Variants in TRMT9B observed in about 807,000 individuals in gnomAD.
TRMT9B encodes the protein tRNA methyltransferase 9B (putative).
In TRMT9B, 16 loss-of-function variants were observed where a neutral mutation model predicts 11.5. The observed-to-expected ratio is 1.39, with a 90% CI of 0.94 to 2.11. The LOEUF is 2.11. Among genes scored for constraint, TRMT9B ranks in the 30% most tolerant of loss-of-function variants. The pLI, the probability that TRMT9B is intolerant of heterozygous loss-of-function variation, is 0.00. For synonymous variants in TRMT9B, 274 were observed against 192.4 expected (o/e 1.42, Z -3.51); for missense variants, 941 against 553.8 (o/e 1.70, Z -7.02).
chr8:12,999,307 A>G (rs1452441198), intron 2 of TRMT9B, among the ~76,000 whole-genome samples: 1 of 147,978 alleles, frequency 6.8e-6, no homozygotes, highest in African/African-American at 2.6e-5. Context: ...TCAAAAAAAA[A>G]AAAAAAAAGA....
chr8:13,005,091 A>T (rs1451555074), intron 2 of TRMT9B, among the ~76,000 whole-genome samples: 1 of 152,002 alleles, frequency 6.6e-6, no homozygotes, highest in East Asian at 1.9e-4. Context: ...ATCTCAAAAA[A>T]AAAAAAAAAG....
At chr8:12,968,691 G>C (rs1035892316) in intron 1 of TRMT9B, among the ~76,000 whole-genome samples, 1 of 152,222 alleles carries the variant, frequency 6.6e-6, no homozygotes, top group East Asian at 1.9e-4. Context: ...GCAGCTGGCA[G>C]TCCAGAAGGC....
chr8:12,978,177 G>A (rs1228153670), intron 1 of TRMT9B, among the ~76,000 whole-genome samples: 2 of 152,156 alleles, frequency 1.3e-5, no homozygotes, highest in Non-Finnish European at 2.9e-5. Context: ...AGCAAATAAT[G>A]TGCATAACTC....
rs11204001 is a variant in TRMT9B at position 12,981,608 on chromosome 8, T to G, written c.-199-9226T>G. On this transcript the variant is annotated intron_variant, in intron 1 of 4. Coordinates refer to ENST00000524591, the MANE Select transcript of TRMT9B (RefSeq NM_020844.3). ...CTTTCTTTTATTTATTTATTTATTT[T>G]TTTTTGATAGAAACAGGGTCTCGCT... Among the ~76,000 whole-genome samples, 676 of 151,930 alleles carry G rather than the reference T, an allele frequency of 4.4e-3. 6 individuals are homozygous for G. Among genetic ancestry groups the G allele is most frequent in the African/African-American group, 0.016 (648 of 41,406 alleles).
chr8:12,987,674 A>T (rs1334535908), intron 1 of TRMT9B, among the ~76,000 whole-genome samples: 1 of 130,484 alleles, frequency 7.7e-6, no homozygotes, highest in Non-Finnish European at 1.6e-5. Flanking sequence ...CCTGGGCAAC[A>T]GAATGAATAC....
At chr8:12,977,706 A>C (rs1413142237) in intron 1 of TRMT9B, among the ~76,000 whole-genome samples, 1 of 151,868 alleles carries the variant, frequency 6.6e-6, no homozygotes. Context: ...TCTCAAAAAC[A>C]AACAAACAAA....
intron 1 of TRMT9B, among the ~76,000 whole-genome samples, chr8:12,970,652 A>G (rs2977102): frequency 0.36 from 54,779 of 152,102 alleles, 10,189 homozygotes; most frequent in East Asian, 0.6. Context: ...ATACTATTCC[A>G]TGGATTAAGG....
rs1288450086 is a variant in TRMT9B, at chr8:13,024,842, T to C, written c.*2798T>C. ...GTATACAAATATTTAATTTGGTGAT[T>C]GATAATCTCTCTTTGGGGTAGTCAC... On this transcript the variant is annotated 3_prime_UTR_variant, in exon 5 of 5. Coordinates refer to ENST00000524591, the MANE Select transcript of TRMT9B (RefSeq NM_020844.3). 1 of 166,980 alleles carries C rather than the reference T, an allele frequency of 6.0e-6. No individual in the cohort carries two copies. The highest frequency in any genetic ancestry group is 1.9e-4 in the East Asian group (1 of 5,208). The allele number at this position is 166,980 out of a possible 1,614,324, so 10.3% of individuals were successfully genotyped here. A position where few individuals can be genotyped will look rare whatever the true frequency, so the allele number is the denominator to read the frequency against.
intron 4 of TRMT9B, among the ~76,000 whole-genome samples, chr8:13,013,767 A>G (rs910291372): frequency 6.6e-6 from 1 of 152,048 alleles, no homozygotes; most frequent in Non-Finnish European, 1.5e-5. Flanking sequence ...CCTGGCCAAC[A>G]TGTGAAACCC....
intron 1 of TRMT9B, among the ~76,000 whole-genome samples, chr8:12,948,701 C>CAGGCACGG (rs1800386121): frequency 6.6e-6 from 1 of 152,094 alleles, no homozygotes; most frequent in East Asian, 1.9e-4. Flanking sequence ...TGGCTCATGC[C>CAGGCACGG]TGTAATCCCA....
At position 13,003,879 on chromosome 8, in the gene TRMT9B, A is replaced by G. The variant is rs144388057; in HGVS notation, c.-1-2323A>G. On this transcript the variant is annotated intron_variant, in intron 2 of 4. Transcript: ENST00000524591. ...TCACAGTGCCTGGTTTTGACTTCAT[A>G]TCACTAAAGGAAGCACAGAAGAGGG... Among the ~76,000 whole-genome samples the G allele has an allele frequency of 3.7e-3, 557 of 150,746 alleles. 3 individuals are homozygous for G. The highest frequency in any genetic ancestry group is 0.013 in the African/African-American group (532 of 41,136).
Position 13,027,187 on chromosome 8 carries a change from T to C in TRMT9B, c.*5143T>C, listed in dbSNP as rs370829231. On this transcript the variant is annotated 3_prime_UTR_variant, in exon 5 of 5. Coordinates refer to ENST00000524591, the MANE Select transcript of TRMT9B (RefSeq NM_020844.3). Reference sequence around the variant, plus strand: ...CACAGTCTGCTGTGTGCTGGATACATATGATACAAGGTAATGACTATCTGG... The same window carrying C: ...CACAGTCTGCTGTGTGCTGGATACACATGATACAAGGTAATGACTATCTGG... 51 of 167,210 alleles carry C rather than the reference T, an allele frequency of 3.1e-4. No homozygotes were observed. The highest frequency in any genetic ancestry group is 1.2e-3 in the African/African-American group (50 of 41,562). 10.4% of individuals were successfully genotyped at this position (167,210 alleles called of 1,614,324 possible).
rs772185360 is a variant in TRMT9B, at chr8:13,021,413, A to G, written c.734A>G (p.Lys245Arg). The change falls in exon 5 of 5, where the codon AAA becomes AGA. Residue 245 changes from lysine to arginine, a missense_variant. Coordinates refer to ENST00000524591, the MANE Select transcript of TRMT9B (RefSeq NM_020844.3). Reference sequence around the variant, plus strand: ...TATGGATTTTACAGCACATTAGGAAAATCGTTTCGTTCCTGGTTTTTCTCC... The same window carrying G: ...TATGGATTTTACAGCACATTAGGAAGATCGTTTCGTTCCTGGTTTTTCTCC... ...EEYGFYSTLGKSFRSWFFSRS... is the reference protein window; with the variant it reads ...EEYGFYSTLGRSFRSWFFSRS... 6.2e-7 allele frequency: 1 copy of G among 1,614,060 alleles called. No homozygotes were observed. Among genetic ancestry groups the G allele is most frequent in the South Asian group, 1.1e-5 (1 of 91,090 alleles).
intron 1 of TRMT9B, among the ~76,000 whole-genome samples, chr8:12,970,862 T>C (rs1301242436): frequency 6.6e-6 from 1 of 152,210 alleles, no homozygotes; most frequent in Non-Finnish European, 1.5e-5. Context: ...CAAGTCTGCA[T>C]ATTGGCTGCC....
intron 1 of TRMT9B, among the ~76,000 whole-genome samples, chr8:12,969,003 G>T (rs1436495858): frequency 6.6e-6 from 1 of 152,168 alleles, no homozygotes; most frequent in Non-Finnish European, 1.5e-5. Context: ...CCTGAGGTCG[G>T]GAGTTCGAGG....
chr8:13,010,041 G>C (rs1049890940), intron 3 of TRMT9B, among the ~76,000 whole-genome samples: 6 of 151,964 alleles, frequency 3.9e-5, no homozygotes, highest in African/African-American at 1.2e-4. Flanking sequence ...GGGAGGCTGA[G>C]GTAGGAGGAC....
intron 1 of TRMT9B, among the ~76,000 whole-genome samples, chr8:12,959,453 C>G (rs557694742): frequency 1.3e-5 from 2 of 149,810 alleles, no homozygotes; most frequent in Non-Finnish European, 3.0e-5. Context: ...ACTGGAAACA[C>G]TTCTGGTCCC....
intron 2 of TRMT9B, among the ~76,000 whole-genome samples, chr8:12,995,473 T>C (rs1197370594): frequency 6.6e-6 from 1 of 152,182 alleles, no homozygotes. Context: ...TTCCTTATTC[T>C]CCATTTCTGG....
At chr8:13,014,974 G>C (rs773430446) in intron 4 of TRMT9B, among the ~76,000 whole-genome samples, 3 of 152,070 alleles carry the variant, frequency 2.0e-5, no homozygotes, top group African/African-American at 7.2e-5. Context: ...GCAGGGAATT[G>C]CTTGAACCCA....
Sources: gnomAD v4.1 joint callset for allele counts (sites outside exome capture counted in the v4.1 genomes callset) on GRCh38, gnomAD v4.1.1 for gene constraint, MANE v1.5 for transcripts, NCBI Gene and HGNC (gene_info 2026-07-23, HGNC 2026-07-21) for gene names.